The following CAMKMT variants were observed in gnomAD, a reference collection of about 807,000 sequenced individuals.
The protein encoded by CAMKMT is CaM KMT.
In CAMKMT, 53 loss-of-function variants were observed where a neutral mutation model predicts 48.0. The ratio of observed to expected loss-of-function variants is 1.10; its 90% CI spans 0.89 to 1.39. The LOEUF is 1.39. CAMKMT is among the 40% of genes most tolerant of loss of function. CAMKMT has a pLI of 0.00. For synonymous variants in CAMKMT, 165 were observed against 152.3 expected, an observed-to-expected ratio of 1.08 and a Z score of -0.61; for missense variants, 428 against 402.7, an observed-to-expected ratio of 1.06 and a Z score of -0.54.
chr2:44,421,764 A>C (rs1267576342), intron 3 of CAMKMT, among the ~76,000 whole-genome samples: 2 of 152,226 alleles, frequency 1.3e-5, no homozygotes, highest in African/African-American at 4.8e-5. Flanking sequence ...GGTTTTTAGA[A>C]CAACAATGGA....
In CAMKMT at chr2:44,420,253, A is replaced by G. The variant is rs576112369; in HGVS notation, c.376+29948A>G. On this transcript the variant is annotated intron_variant, in intron 3 of 10. Transcript: ENST00000378494. ...TGTATAATTTGTATATTTCTGCATA[A>G]TTATATGGTCAAGTCTCAGACTGTT... Among the ~76,000 whole-genome samples, 14 of 152,322 alleles carry G rather than the reference A, an allele frequency of 9.2e-5. No homozygotes were observed. The South Asian group carries it at 2.3e-3, about 25-fold the overall frequency.
At chr2:44,578,228 C>T (rs1258132588) in intron 3 of CAMKMT, among the ~76,000 whole-genome samples, 2 of 151,780 alleles carry the variant, frequency 1.3e-5, no homozygotes, top group Admixed American at 6.6e-5. Flanking sequence ...AAGAATACAC[C>T]GTAACATAAA....
chr2:44,417,703 A>G (rs1289591386), intron 3 of CAMKMT, among the ~76,000 whole-genome samples: 1 of 152,110 alleles, frequency 6.6e-6, no homozygotes, highest in Non-Finnish European at 1.5e-5. Context: ...GTTGCTTCAC[A>G]TTTTTGCTAA....
chr2:44,660,034 A>T (rs989733439), intron 3 of CAMKMT, among the ~76,000 whole-genome samples: 1 of 152,228 alleles, frequency 6.6e-6, no homozygotes, highest in Non-Finnish European at 1.5e-5. Context: ...GAGAAATTTT[A>T]AAAATATTTA....
chr2:44,665,231 C>A (rs1034080306), intron 3 of CAMKMT, among the ~76,000 whole-genome samples: 7 of 151,980 alleles, frequency 4.6e-5, no homozygotes, highest in African/African-American at 1.7e-4. Context: ...CCATCATGCC[C>A]GGCTAATTTT....
At chr2:44,647,687 C>T (rs1423449094) in intron 3 of CAMKMT, among the ~76,000 whole-genome samples, 9 of 151,724 alleles carry the variant, frequency 5.9e-5, no homozygotes, top group African/African-American at 1.9e-4. Flanking sequence ...GGGTGGATCA[C>T]GAGGTCAGGA....
intron 3 of CAMKMT, among the ~76,000 whole-genome samples, chr2:44,576,386 A>G (rs1394923193): frequency 1.3e-5 from 2 of 152,078 alleles, no homozygotes; most frequent in Non-Finnish European, 2.9e-5. Flanking sequence ...GAAAGGAGAA[A>G]CAGAAGCAAA....
chr2:44,427,921 T>C lies in CAMKMT; in HGVS notation c.376+37616T>C, dbSNP rs184042961. Among the ~76,000 whole-genome samples the C allele has an allele frequency of 2.0e-3, 301 of 152,250 alleles. 2 individuals carry two copies. The highest frequency in any genetic ancestry group is 6.9e-3 in the Admixed American group (106 of 15,308). Reference sequence around the variant, plus strand: ...CAAACCCCTTGTGGGAAAGGGAGCATACAGGTGAGGGGGTGCAGTCTCTGG... The same window carrying C: ...CAAACCCCTTGTGGGAAAGGGAGCACACAGGTGAGGGGGTGCAGTCTCTGG... On this transcript the variant is annotated intron_variant, in intron 3 of 10. Transcript: ENST00000378494.
At chr2:44,474,113 T>C (rs917388032) in intron 3 of CAMKMT, among the ~76,000 whole-genome samples, 1 of 152,170 alleles carries the variant, frequency 6.6e-6, no homozygotes, top group Non-Finnish European at 1.5e-5. Context: ...ACAGTTCTTC[T>C]TTGGAATTGT....
In CAMKMT at chr2:44,618,480, G is replaced by A. The variant is rs1227571174; in HGVS notation, c.377-85803G>A. 1.3e-5 allele frequency among the ~76,000 whole-genome samples: 2 copies of A among 152,170 alleles called. No individual in the cohort carries two copies. The highest frequency in any genetic ancestry group is 2.1e-4 in the South Asian group (1 of 4,824). ...CTTGGGGACCTTTTTGCTTTAGGTC[G>A]AAGGCTTTTCAGACTGCGATGAGAT... On this transcript the variant is annotated intron_variant, in intron 3 of 10. Coordinates refer to ENST00000378494, the MANE Select transcript of CAMKMT (RefSeq NM_024766.5). The surrounding 1 kb of genome is among the most constrained non-coding windows in gnomAD (Gnocchi z 4.0).
intron 3 of CAMKMT, among the ~76,000 whole-genome samples, chr2:44,431,521 C>T (rs1684648268): frequency 6.6e-6 from 1 of 152,094 alleles, no homozygotes; most frequent in African/African-American, 2.4e-5. Flanking sequence ...GAGGTAACAT[C>T]AGTGACATTT....
intron 3 of CAMKMT, among the ~76,000 whole-genome samples, chr2:44,458,693 G>A (rs1572557062): frequency 6.6e-6 from 1 of 152,170 alleles, no homozygotes; most frequent in South Asian, 2.1e-4. Context: ...TTTCTGTAGT[G>A]TTTTAACAGT....
At chr2:44,368,772 A>T (rs1053650045) in intron 1 of CAMKMT, among the ~76,000 whole-genome samples, 1 of 152,178 alleles carries the variant, frequency 6.6e-6, no homozygotes, top group African/African-American at 2.4e-5. Context: ...TTATATTTTT[A>T]AAAATTTAAT....
At chr2:44,699,475 A>G (rs1221084299) in intron 3 of CAMKMT, among the ~76,000 whole-genome samples, 1 of 152,214 alleles carries the variant, frequency 6.6e-6, no homozygotes, top group African/African-American at 2.4e-5. Context: ...TCGGAGCAGT[A>G]GGTCTTAGCA....
At chr2:44,733,372 G>A (rs1679183683) in intron 7 of CAMKMT, among the ~76,000 whole-genome samples, 2 of 152,030 alleles carry the variant, frequency 1.3e-5, no homozygotes. Flanking sequence ...ACTGATTCTT[G>A]TACATTGATC....
chr2:44,558,803 G>A (rs1668162242), intron 3 of CAMKMT, among the ~76,000 whole-genome samples: 1 of 152,164 alleles, frequency 6.6e-6, no homozygotes, highest in African/African-American at 2.4e-5. Flanking sequence ...GAAGAGAGGT[G>A]AGGGTTCAAA....
chr2:44,606,251 G>T (rs1228759486), intron 3 of CAMKMT, among the ~76,000 whole-genome samples: 4 of 152,118 alleles, frequency 2.6e-5, no homozygotes, highest in Non-Finnish European at 5.9e-5. Flanking sequence ...TACCTATTTT[G>T]TTTGGAAAAG....
intron 3 of CAMKMT, among the ~76,000 whole-genome samples, chr2:44,493,757 T>C (rs2104720546): frequency 6.6e-6 from 1 of 152,338 alleles, no homozygotes; most frequent in African/African-American, 2.4e-5. Context: ...AAAATTTCTT[T>C]GTTGTTTGTT....
At chr2:44,399,508 C>A (rs1682161676) in intron 3 of CAMKMT, among the ~76,000 whole-genome samples, 1 of 151,810 alleles carries the variant, frequency 6.6e-6, no homozygotes, top group African/African-American at 2.4e-5. Flanking sequence ...TTATTGCCCT[C>A]TTTGATCTTT....
Sources: allele counts gnomAD v4.1 joint callset (sites outside exome capture counted in the v4.1 genomes callset), GRCh38; gene constraint gnomAD v4.1.1; non-coding constraint Gnocchi (gnomAD v3.1); transcripts MANE v1.5; gene names NCBI Gene and HGNC (gene_info 2026-07-23, HGNC 2026-07-21).